The following GLIS3 variants were observed in gnomAD, a reference collection of about 807,000 sequenced individuals.
GLIS3 encodes the protein zinc finger protein GLIS3.
GLIS3 carries 53 observed loss-of-function variants against 78.6 expected under a neutral mutation model. The ratio of observed to expected loss-of-function variants is 0.67; its 90% CI spans 0.54 to 0.85. The LOEUF (loss-of-function observed/expected upper bound fraction) is 0.85. GLIS3 is among the 40% of genes least tolerant of loss of function. GLIS3 has a pLI of 0.00. For missense variants in GLIS3, 1,703 were observed against 1,231.1 expected (o/e 1.38, Z -5.74); for synonymous variants, 684 against 509.9 (o/e 1.34, Z -4.60).
chr9:4,471,358 C>A, the GLIS3 span, among the ~76,000 whole-genome samples: 2 of 152,168 alleles, frequency 1.3e-5, no homozygotes, highest in East Asian at 3.8e-4. Context: ...TCAAACTATA[C>A]TGCCAGGCTA....
At chr9:4,313,948 T>C (rs1817402531) in intron 2 of GLIS3, among the ~76,000 whole-genome samples, 1 of 152,212 alleles carries the variant, frequency 6.6e-6, no homozygotes, top group Admixed American at 6.5e-5. Context: ...TGGGAAAAAC[T>C]GAAGTCCAGA....
chr9:4,117,039 G>T (rs1185630418), intron 4 of GLIS3, among the ~76,000 whole-genome samples: 1 of 152,200 alleles, frequency 6.6e-6, no homozygotes, highest in Non-Finnish European at 1.5e-5. Context: ...AGAGTTCCAG[G>T]ATGGATGCTG....
intron 2 of GLIS3, among the ~76,000 whole-genome samples, chr9:4,132,648 T>G (rs527612144): frequency 1.3e-5 from 2 of 151,868 alleles, no homozygotes; most frequent in African/African-American, 4.8e-5. Context: ...CAGTCCCCCA[T>G]GGAGCCCACA....
chr9:4,238,733 C>T (rs1823013722), intron 2 of GLIS3, among the ~76,000 whole-genome samples: 1 of 152,160 alleles, frequency 6.6e-6, no homozygotes, highest in South Asian at 2.1e-4. Flanking sequence ...ATACTGTGTG[C>T]CCACTTGACA....
chr9:4,251,629 G>T (rs1824396349), intron 2 of GLIS3, among the ~76,000 whole-genome samples: 1 of 152,110 alleles, frequency 6.6e-6, no homozygotes, highest in Admixed American at 6.5e-5. Context: ...ATTTTCATGT[G>T]TGAATTTAAT....
chr9:4,466,320 C>T, the GLIS3 span, among the ~76,000 whole-genome samples: 2 of 152,296 alleles, frequency 1.3e-5, no homozygotes. Flanking sequence ...TGACAGCTTT[C>T]CACAAAGAAA....
At chr9:4,144,526 A>G (rs1256397312) in intron 2 of GLIS3, among the ~76,000 whole-genome samples, 2 of 152,212 alleles carry the variant, frequency 1.3e-5, no homozygotes. Context: ...ATTAAGCATG[A>G]GCTCATTGGA....
At chr9:4,044,573 T>G (rs1825094893) in intron 4 of GLIS3, among the ~76,000 whole-genome samples, 1 of 152,166 alleles carries the variant, frequency 6.6e-6, no homozygotes, top group African/African-American at 2.4e-5. Flanking sequence ...AAAGAGCTTT[T>G]TGCTGGCCAG....
At chr9:4,309,629 C>G (rs1417013888) in intron 3 of GLIS3, among the ~76,000 whole-genome samples, 1 of 152,210 alleles carries the variant, frequency 6.6e-6, no homozygotes, top group Non-Finnish European at 1.5e-5. Flanking sequence ...CAGGCCCAGT[C>G]TACATTTCTA....
At chr9:3,851,141 G>A (rs1819408627) in intron 9 of GLIS3, among the ~76,000 whole-genome samples, 1 of 152,168 alleles carries the variant, frequency 6.6e-6, no homozygotes, top group African/African-American at 2.4e-5. Context: ...AATTCTCGTG[G>A]CATGCTGATA....
At chr9:4,054,031 A>C (rs946630305) in intron 4 of GLIS3, among the ~76,000 whole-genome samples, 18 of 152,364 alleles carry the variant, frequency 1.2e-4, no homozygotes, top group Non-Finnish European at 5.9e-5. Flanking sequence ...GCTTCTTGCT[A>C]TTTGAATGAG....
intron 4 of GLIS3, among the ~76,000 whole-genome samples, chr9:4,018,804 G>A (rs1822638172): frequency 6.6e-6 from 1 of 152,140 alleles, no homozygotes; most frequent in African/African-American, 2.4e-5. Flanking sequence ...TGCAATGGAG[G>A]GAAAGAATAT....
intron 2 of GLIS3, among the ~76,000 whole-genome samples, chr9:4,339,618 G>A (rs565837519): frequency 1.3e-4 from 20 of 149,878 alleles, no homozygotes; most frequent in South Asian, 1.1e-3. Flanking sequence ...TGTATTTAGG[G>A]TCAGGTAAAG....
intron 4 of GLIS3, among the ~76,000 whole-genome samples, chr9:4,084,286 C>T (rs1294913987): frequency 7.2e-6 from 1 of 139,476 alleles, no homozygotes; most frequent in African/African-American, 2.5e-5. Context: ...CACACACACA[C>T]ACACACACAA....
At chr9:4,024,867 T>C (rs765411589) in intron 4 of GLIS3, among the ~76,000 whole-genome samples, 1 of 152,188 alleles carries the variant, frequency 6.6e-6, no homozygotes, top group Non-Finnish European at 1.5e-5. Context: ...CCATCTCCCC[T>C]ACAGTTCAGT....
At chr9:3,906,355 G>A (rs991830561) in intron 6 of GLIS3, among the ~76,000 whole-genome samples, 5 of 152,188 alleles carry the variant, frequency 3.3e-5, no homozygotes, top group African/African-American at 1.2e-4. Flanking sequence ...GGGAACCAGA[G>A]GGGGTGAGAA....
chr9:4,309,334 A>C (rs1271918311), intron 3 of GLIS3, among the ~76,000 whole-genome samples: 1 of 152,266 alleles, frequency 6.6e-6, no homozygotes, highest in African/African-American at 2.4e-5. Flanking sequence ...ACTTGGCTGT[A>C]AGTTAATACT....
At chr9:4,067,216 T>A (rs1827175780) in intron 4 of GLIS3, among the ~76,000 whole-genome samples, 1 of 151,794 alleles carries the variant, frequency 6.6e-6, no homozygotes, top group Non-Finnish European at 1.5e-5. Context: ...TTAAAATTCT[T>A]TATATTACTT....
chr9:4,319,275 C>G (rs1430888940), intron 2 of GLIS3, among the ~76,000 whole-genome samples: 1 of 151,800 alleles, frequency 6.6e-6, no homozygotes, highest in Non-Finnish European at 1.5e-5. Context: ...TACTTAGGGG[C>G]AACATTCTAA....
Sources: allele counts gnomAD v4.1 joint callset (sites outside exome capture counted in the v4.1 genomes callset), GRCh38; gene constraint gnomAD v4.1.1; transcripts MANE v1.5; gene names NCBI Gene and HGNC (gene_info 2026-07-23, HGNC 2026-07-21).